Variants in PABPC1L observed in about 807,000 individuals in gnomAD.
The protein encoded by PABPC1L is polyadenylate-binding protein 1-like.
A neutral mutation model predicts 66.6 loss-of-function variants in PABPC1L; 31 were observed. That is an observed-to-expected ratio of 0.47 (90% CI 0.35 to 0.63). PABPC1L has a LOEUF of 0.63. Ranked by LOEUF, PABPC1L falls within the 20% of genes least tolerant of loss-of-function variation. PABPC1L has a pLI of 0.00. For missense variants in PABPC1L, 722 were observed against 848.8 expected (o/e 0.85, Z 1.86); for synonymous variants, 348 against 335.1 (o/e 1.04, Z -0.42).
At chr20:44,922,161 A>G (rs1224729440) in intron 6 of PABPC1L, among the ~76,000 whole-genome samples, 2 of 152,356 alleles carry the variant, frequency 1.3e-5, no homozygotes, top group East Asian at 1.9e-4. Flanking sequence ...CCTTTGAATT[A>G]TGTGGAGTTA....
chr20:44,910,387 GGACA>G, intron 1 of PABPC1L, 51 bp downstream of exon 1: 2 of 1,439,146 alleles, frequency 1.4e-6, no homozygotes, highest in Non-Finnish European at 1.8e-6. Context: ...ACAAGCAGGC[GGACA>G]GACAGAAGCC....
intron 7 of PABPC1L, among the ~76,000 whole-genome samples, chr20:44,927,343 A>T (rs2066816972): frequency 6.7e-6 from 1 of 150,360 alleles, no homozygotes; most frequent in African/African-American, 2.5e-5. Flanking sequence ...TCTTAACAAT[A>T]TATATATATT....
intron 9 of PABPC1L, chr20:44,932,806 G>C: frequency 1.8e-6 from 1 of 546,246 alleles, no homozygotes; most frequent in Non-Finnish European, 3.3e-6. Context: ...GGACTAAGGT[G>C]TACAATCCTG....
rs993258903 is a variant in PABPC1L at position 44,924,927 on chromosome 20, C to T, written c.972+671C>T. 4.1e-5 allele frequency among the ~76,000 whole-genome samples: 6 copies of T among 144,670 alleles called. 1 individual carries two copies. The highest frequency in any genetic ancestry group is 6.3e-3 in the Middle Eastern group (2 of 316). The allele number at this position is 144,670 out of a possible 152,430, so 94.9% of individuals were successfully genotyped here. ...TTTTTATTTTTTTTTTTTAAAGCTCCCAGAGGCTGGGCAATATGGCTCACG... is the reference window on the plus strand; with the variant it reads ...TTTTTATTTTTTTTTTTTAAAGCTCTCAGAGGCTGGGCAATATGGCTCACG... On this transcript the variant is annotated intron_variant, in intron 7 of 14. Coordinates refer to ENST00000217073, the MANE Select transcript of PABPC1L (RefSeq NM_001372179.1).
intron 2 of PABPC1L, among the ~76,000 whole-genome samples, chr20:44,915,535 T>C (rs1824838853): frequency 6.6e-6 from 1 of 152,114 alleles, no homozygotes; most frequent in Admixed American, 6.6e-5. Flanking sequence ...CAGTGGCTCA[T>C]GCTCCTAATC....
At chr20:44,911,730 G>A (rs2066706776) in intron 1 of PABPC1L, among the ~76,000 whole-genome samples, 1 of 152,124 alleles carries the variant, frequency 6.6e-6, no homozygotes, top group African/African-American at 2.4e-5. Flanking sequence ...TCCACCTCCT[G>A]CCTCTTCCCA....
Position 44,919,589 on chromosome 20 carries a change from A to G in PABPC1L, c.738+312A>G, listed in dbSNP as rs148441665. ...GTTTCCACCGGGTGTGGTGGTGTGC[A>G]CCTGTAGTCTCAGCCTACGTGATAG... On this transcript the variant is annotated intron_variant, in intron 5 of 14. Coordinates refer to ENST00000217073, the MANE Select transcript of PABPC1L (RefSeq NM_001372179.1). Among the ~76,000 whole-genome samples, 657 of 152,256 alleles carry G rather than the reference A, an allele frequency of 4.3e-3. 3 individuals carry two copies. The highest frequency in any genetic ancestry group is 0.015 in the African/African-American group (627 of 41,552).
chr20:44,933,540 G>A (rs979477969), intron 10 of PABPC1L, among the ~76,000 whole-genome samples: 2 of 151,890 alleles, frequency 1.3e-5, no homozygotes, highest in Admixed American at 1.3e-4. Flanking sequence ...CCGCCTCCCA[G>A]GTTCAAGCGA....
chr20:44,924,946 G>T (rs995322338), intron 7 of PABPC1L, among the ~76,000 whole-genome samples: 1 of 151,154 alleles, frequency 6.6e-6, no homozygotes, highest in Non-Finnish European at 1.5e-5. Flanking sequence ...GGGCAATATG[G>T]CTCACGCCTG....
chr20:44,912,638 C>T, intron 1 of PABPC1L, 22 bp from the exon 2 acceptor site: 1 of 1,578,756 alleles, frequency 6.3e-7, no homozygotes, highest in Non-Finnish European at 8.7e-7. Flanking sequence ...TTGCTAATTT[C>T]TCTCCTCTTC....
rs1186682376 is a variant in PABPC1L at position 44,938,672 on chromosome 20, A to G, written c.1792-2A>G. 1.2e-6 allele frequency: 2 copies of G among 1,607,676 alleles called. No individual in the cohort carries two copies. Among genetic ancestry groups the G allele is most frequent in the Non-Finnish European group, 1.7e-6 (2 of 1,177,202 alleles). ...AGCCCCCCCGCCACTCATGTCTCAC[A>G]GATAGACGAGGCAGTGGCCGTGCTG... On this transcript the variant is annotated splice_acceptor_variant, in intron 13 of 14. Coordinates refer to ENST00000217073, the MANE Select transcript of PABPC1L (RefSeq NM_001372179.1). LOFTEE classifies it high-confidence loss of function.
At chr20:44,938,323 C>T (rs2066917599) in intron 13 of PABPC1L, 132 bp downstream of exon 13, 23 of 1,244,384 alleles carry the variant, frequency 1.8e-5, no homozygotes, top group Non-Finnish European at 2.3e-5. Flanking sequence ...ACCTGAAGGC[C>T]TGCTGAATCT....
intron 2 of PABPC1L, among the ~76,000 whole-genome samples, chr20:44,916,041 C>T (rs2066735759): frequency 6.6e-6 from 1 of 151,882 alleles, no homozygotes; most frequent in Non-Finnish European, 1.5e-5. Context: ...GGCCATGTAA[C>T]CTACCACATT....
chr20:44,926,798 T>C (rs1342636471), intron 7 of PABPC1L, among the ~76,000 whole-genome samples: 35 of 151,872 alleles, frequency 2.3e-4, no homozygotes, highest in Non-Finnish European at 2.9e-5. Context: ...CTGCCCGCCT[T>C]GGCCTCCCAA....
chr20:44,918,142 A>G (rs1377945505), intron 3 of PABPC1L, among the ~76,000 whole-genome samples: 1 of 152,118 alleles, frequency 6.6e-6, no homozygotes, highest in African/African-American at 2.4e-5. Context: ...CCTGGCCAAC[A>G]TGGTGAAACT....
intron 7 of PABPC1L, among the ~76,000 whole-genome samples, chr20:44,929,794 C>CAAAAAAAA (rs569532056): frequency 5.9e-5 from 6 of 101,370 alleles, no homozygotes; most frequent in African/African-American, 1.7e-4. Flanking sequence ...AACTATGTCT[C>CAAAAAAAA]AAAAAAAAAA....
intron 1 of PABPC1L, among the ~76,000 whole-genome samples, chr20:44,911,779 T>G (rs1289742937): frequency 6.6e-6 from 1 of 152,212 alleles, no homozygotes; most frequent in East Asian, 1.9e-4. Flanking sequence ...GGACTCGGCC[T>G]GGAAACCGTG....
intron 5 of PABPC1L, among the ~76,000 whole-genome samples, chr20:44,921,284 G>A (rs2066771388): frequency 6.6e-6 from 1 of 152,012 alleles, no homozygotes; most frequent in African/African-American, 2.4e-5. Flanking sequence ...GAGTAGCTGG[G>A]ATTACAGGCA....
chr20:44,931,700 T>C (rs1476806107), intron 8 of PABPC1L: 1 of 152,120 alleles, frequency 6.6e-6, no homozygotes, highest in Non-Finnish European at 1.5e-5. Flanking sequence ...TTCACCATGT[T>C]GGCCAGGCTG....
Sources: gnomAD v4.1 joint callset for allele counts (sites outside exome capture counted in the v4.1 genomes callset) on GRCh38, gnomAD v4.1.1 for gene constraint, MANE v1.5 for transcripts, NCBI Gene and HGNC (gene_info 2026-07-23, HGNC 2026-07-21) for gene names.